Variants in CNTRL observed in about 807,000 individuals in gnomAD.
The protein encoded by CNTRL is 110 kDa centrosomal protein.
CNTRL carries 233 observed loss-of-function variants against 303.7 expected under a neutral mutation model. The ratio of observed to expected loss-of-function variants is 0.77; its 90% CI spans 0.69 to 0.86. The LOEUF (loss-of-function observed/expected upper bound fraction) is 0.86, where lower values mean the gene tolerates loss of function less well. Ranked by LOEUF, CNTRL falls within the 40% of genes least tolerant of loss-of-function variation. The probability of loss-of-function intolerance (pLI) is 0.00; values close to 1 mark genes in which losing one functional copy is unlikely to be tolerated. For synonymous variants in CNTRL, 900 were observed against 922.2 expected (o/e 0.98, Z 0.44); for missense variants, 2,524 against 2,650.6 (o/e 0.95, Z 1.05).
At chr9:121,143,757 T>C (rs910491341) in intron 19 of CNTRL, 146 bp from the exon 20 acceptor site, 26 of 526,394 alleles carry the variant, frequency 4.9e-5, no homozygotes, top group Non-Finnish European at 8.4e-5. Context: ...CTATTATTTA[T>C]TCATTGGATA....
rs773330321 is a variant in CNTRL at position 121,152,559 on chromosome 9, A to C, written c.4038A>C (p.Arg1346Ser). Residue 1346 changes from arginine (R) to serine (S), a missense_variant, in exon 26 of 44, where the codon AGA becomes AGC. Arg to Ser is a moderately radical substitution (Grantham distance 110). Coordinates refer to ENST00000373855, the MANE Select transcript of CNTRL (RefSeq NM_007018.6). The stretch of plus-strand genomic sequence containing the variant: ...AGAAGCGGGAAGAAAGGTGGATGAG[A>C]GCATCCAAGCGGCAGTCGGAGAAAG... The part of the protein sequence containing the change: ...KSKKREERWM[R>S]ASKRQSEKEM... 5.6e-6 allele frequency: 9 copies of C among 1,613,788 alleles called. No individual in the cohort carries two copies. The highest frequency in any genetic ancestry group is 8.5e-7 in the Non-Finnish European group (1 of 1,179,680).
chr9:121,121,864 G>A (rs1652240500), intron 12 of CNTRL: 5 of 985,378 alleles, frequency 5.1e-6, no homozygotes, highest in Non-Finnish European at 6.0e-6. Context: ...AAGTGCACAT[G>A]AATTTGAAGA....
At chr9:121,100,185 G>C (rs1457725023) in intron 7 of CNTRL, among the ~76,000 whole-genome samples, 1 of 152,196 alleles carries the variant, frequency 6.6e-6, no homozygotes, top group Non-Finnish European at 1.5e-5. Flanking sequence ...CACAAGGGAA[G>C]CCCATCAGAC....
At chr9:121,099,952 CAG>C (rs2132656577) in intron 7 of CNTRL, among the ~76,000 whole-genome samples, 1 of 152,288 alleles carries the variant, frequency 6.6e-6, no homozygotes, top group South Asian at 2.1e-4. Context: ...CTGAAAGTGA[CAG>C]GGAGAATGGA....
chr9:121,113,506 C>A lies in CNTRL; in HGVS notation c.1127C>A (p.Ala376Asp). The A allele has an allele frequency of 6.4e-7, 1 of 1,559,914 alleles. No individual in the cohort carries two copies. The highest frequency in any genetic ancestry group is 8.6e-7 in the Non-Finnish European group (1 of 1,156,412). The change falls in exon 10 of 44, where the codon GCT becomes GAT. Residue 376 changes from alanine (A) to aspartate (D), a missense_variant. Ala to Asp is a moderately radical substitution (Grantham distance 126, BLOSUM62 -2). Coordinates refer to ENST00000373855, the MANE Select transcript of CNTRL (RefSeq NM_007018.6). ...EPLNYYPSEY[A>D]EIDKAPDESP... ...AATCTATTATTTTGCTTTTAGTATG[C>A]TGAAATTGATAAAGCCCCAGATGAA...
chr9:121,150,498 A>G lies in CNTRL; in HGVS notation c.3963+15A>G, dbSNP rs907452974. The G allele has an allele frequency of 3.1e-6, 5 of 1,611,490 alleles. No individual in the cohort carries two copies. Among genetic ancestry groups the G allele is most frequent in the Non-Finnish European group, 3.4e-6 (4 of 1,177,772 alleles). Reference sequence around the variant, plus strand: ...ACCATAACTTAGTAAGTGGAAAGACATACAACTCTCTTTCCACACTGCTTC... The same window carrying G: ...ACCATAACTTAGTAAGTGGAAAGACGTACAACTCTCTTTCCACACTGCTTC... On this transcript the variant is annotated intron_variant, in intron 25 of 43. Transcript: ENST00000373855.
In CNTRL at chr9:121,144,921, G is replaced by A. The variant is rs1283255875; in HGVS notation, c.3130G>A (p.Glu1044Lys). Residue 1044 changes from glutamate (E) to lysine (K), a missense_variant, in exon 21 of 44, where the codon GAA (glutamate) becomes AAA (lysine). By Grantham distance (56) the Glu-to-Lys change is moderately conservative. Transcript: ENST00000373855. ...RDLTRAEAEI[E>K]LLQNLLRQKG... ...TCTCACCCGAGCAGAAGCTGAGATC[G>A]AACTCCTGCAGAATCTCCTCAGGCA... 11 of 1,613,490 alleles carry A rather than the reference G, an allele frequency of 6.8e-6. No individual in the cohort carries two copies. The highest frequency in any genetic ancestry group is 3.3e-5 in the Admixed American group (2 of 60,018).
rs146119208 is a variant in CNTRL at position 121,084,009 on chromosome 9, G to A, written c.-32+3531G>A. Among the ~76,000 whole-genome samples, 497 of 152,142 alleles carry A rather than the reference G, an allele frequency of 3.3e-3. 2 individuals carry two copies. Among genetic ancestry groups the A allele is most frequent in the African/African-American group, 0.011 (465 of 41,512 alleles). ...TCCCTTTCTAATATCAATTTATATA[G>A]CATTAAGACTTGAGCTACTCTAAAT... On this transcript the variant is annotated intron_variant, in intron 2 of 43. Coordinates refer to ENST00000373855, the MANE Select transcript of CNTRL (RefSeq NM_007018.6).
chr9:121,124,987 G>A (rs1055885524), intron 13 of CNTRL, among the ~76,000 whole-genome samples: 1 of 151,060 alleles, frequency 6.6e-6, no homozygotes, highest in Non-Finnish European at 1.5e-5. Flanking sequence ...TAAAGTTCCT[G>A]GCACATAGTG....
chr9:121,169,630 G>A lies in CNTRL; in HGVS notation c.6090G>A (p.Arg2030=). The change falls in exon 39 of 44, where the codon AGG becomes AGA. Residue 2030 remains arginine, a synonymous_variant. Coordinates refer to ENST00000373855, the MANE Select transcript of CNTRL (RefSeq NM_007018.6). The stretch of plus-strand genomic sequence containing the variant: ...TTTCAGAACGGCAGCTTTCAGAAAG[G>A]GAGCAGCAATTGGTGGAGAAATCAG... ...LSQTKRQLSE[R]EQQLVEKSGE... 6.2e-7 allele frequency: 1 copy of A among 1,614,148 alleles called. No individual in the cohort carries two copies. Among genetic ancestry groups the A allele is most frequent in the South Asian group, 1.1e-5 (1 of 91,078 alleles).
chr9:121,162,690 A>T (rs2052909824), intron 34 of CNTRL, among the ~76,000 whole-genome samples: 2 of 152,194 alleles, frequency 1.3e-5, no homozygotes, highest in African/African-American at 4.8e-5. Flanking sequence ...AATTATTCTA[A>T]GACCTAGAAT....
chr9:121,084,791 G>T (rs1415649925), intron 2 of CNTRL, among the ~76,000 whole-genome samples: 1 of 152,088 alleles, frequency 6.6e-6, no homozygotes, highest in East Asian at 1.9e-4. Flanking sequence ...TGATCTGCCC[G>T]CCTCAGCCTC....
chr9:121,171,686 G>T, intron 40 of CNTRL, 138 bp downstream of exon 40: 1 of 856,116 alleles, frequency 1.2e-6, no homozygotes, highest in Non-Finnish European at 1.6e-6. Context: ...AGTCAAATCT[G>T]GTTTTTTAGC....
chr9:121,147,628 A>G (rs1009707383), intron 23 of CNTRL, among the ~76,000 whole-genome samples: 11 of 152,138 alleles, frequency 7.2e-5, no homozygotes, highest in South Asian at 2.1e-4. Context: ...TGGGGCCTGA[A>G]TGTTGAAAGT....
At position 121,118,466 on chromosome 9, in the gene CNTRL, A is replaced by G. The variant is rs774796797; in HGVS notation, c.1576A>G (p.Ile526Val). ...ELQMEKQKQE[I>V]AGKQKEIKDL... is the part of the protein sequence containing the mutation. Reference sequence around the variant, plus strand: ...GCAGATGGAAAAGCAAAAGCAGGAAATTGCCGGAAAGCAGAAGGAGATTAA... The same window carrying G: ...GCAGATGGAAAAGCAAAAGCAGGAAGTTGCCGGAAAGCAGAAGGAGATTAA... Residue 526 changes from isoleucine (I) to valine (V), a missense_variant, in exon 12 of 44, where the codon ATT (isoleucine) becomes GTT (valine). Transcript: ENST00000373855. 4 of 1,613,210 alleles carry G rather than the reference A, an allele frequency of 2.5e-6. No homozygotes were observed. In the East Asian group the frequency reaches 6.7e-5, roughly 27 times the overall value.
intron 12 of CNTRL, chr9:121,122,097 A>T (rs2050263487): frequency 4.2e-6 from 1 of 240,632 alleles, no homozygotes; most frequent in Admixed American, 6.5e-5. Context: ...TATTTAATGT[A>T]CACCATTGGC....
chr9:121,134,298 T>A (rs1426236202), intron 14 of CNTRL, among the ~76,000 whole-genome samples: 4 of 151,534 alleles, frequency 2.6e-5, no homozygotes, highest in African/African-American at 7.3e-5. Context: ...TTATTATTTT[T>A]TTTTTTTTTT....
At chr9:121,155,608 C>A (rs953930253) in intron 27 of CNTRL, among the ~76,000 whole-genome samples, 9 of 152,184 alleles carry the variant, frequency 5.9e-5, no homozygotes, top group Non-Finnish European at 2.9e-5. Flanking sequence ...CAGGCGTGAG[C>A]CACTGCGCCT....
At chr9:121,143,862 C>T in intron 19 of CNTRL, 41 bp from the exon 20 acceptor site, 2 of 1,495,102 alleles carry the variant, frequency 1.3e-6, no homozygotes, top group Non-Finnish European at 9.1e-7. Flanking sequence ...TCATTCCTGC[C>T]AAATGATTCA....
Sources: allele counts gnomAD v4.1 joint callset (sites outside exome capture counted in the v4.1 genomes callset), GRCh38; gene constraint gnomAD v4.1.1; transcripts MANE v1.5; gene names NCBI Gene and HGNC (gene_info 2026-07-23, HGNC 2026-07-21).